The following CDK9 variants were observed in gnomAD, a reference collection of about 807,000 sequenced individuals.
The protein encoded by CDK9 is cyclin-dependent kinase 9.
A neutral mutation model predicts 39.0 loss-of-function variants in CDK9; 34 were observed. That is an observed-to-expected ratio of 0.87 (90% CI 0.66 to 1.16). The LOEUF is 1.16. Among genes scored for constraint, CDK9 ranks in the 50% most tolerant of loss-of-function variants. The pLI, the probability that CDK9 is intolerant of heterozygous loss-of-function variation, is 0.00. For synonymous variants in CDK9, 233 were observed against 196.2 expected (o/e 1.19, Z -1.57); for missense variants, 369 against 503.2 (o/e 0.73, Z 2.55).
chr9:127,788,738 G>C, intron 6 of CDK9, 46 bp downstream of exon 6: 1 of 1,521,878 alleles, frequency 6.6e-7, no homozygotes, highest in Non-Finnish European at 8.8e-7. Context: ...GAGGTCCCCC[G>C]GCAGAGGAGG....
chr9:127,789,094 T>G lies in CDK9; in HGVS notation c.754-84T>G. On this transcript the variant is annotated intron_variant, in intron 6 of 6. Transcript: ENST00000373264. The surrounding 1 kb of genome is among the most constrained non-coding windows in gnomAD (Gnocchi z 5.2). ...GAGCCTCCGAGTGGAGCAGGTATTT[T>G]AGTCCTTTTAGGCCTTTATGAAGGG... The G allele has an allele frequency of 2.0e-6, 3 of 1,478,248 alleles. No homozygotes were observed. The highest frequency in any genetic ancestry group is 2.7e-6 in the Non-Finnish European group (3 of 1,109,786). 91.6% of individuals were successfully genotyped at this position (1,478,248 alleles called of 1,614,324 possible).
Position 127,787,582 on chromosome 9 carries a change from A to G in CDK9, c.239A>G (p.Asn80Ser). The change falls in exon 3 of 7, where the codon AAC becomes AGC. Residue 80 changes from asparagine (N) to serine (S), a missense_variant. Transcript: ENST00000373264. Reference sequence around the variant, plus strand: ...CTTCTAAAACACGAGAATGTGGTCAACTTGATTGAGATTTGTCGAACCAAA... The same window carrying G: ...CTTCTAAAACACGAGAATGTGGTCAGCTTGATTGAGATTTGTCGAACCAAA... ...LQLLKHENVV[N>S]LIEICRTKAS... The G allele has an allele frequency of 1.2e-6, 2 of 1,613,104 alleles. No homozygotes were observed. Among genetic ancestry groups the G allele is most frequent in the Non-Finnish European group, 1.7e-6 (2 of 1,179,054 alleles).
At chr9:127,787,078 TTATA>T (rs1447148783) in intron 2 of CDK9, among the ~76,000 whole-genome samples, 1 of 152,162 alleles carries the variant, frequency 6.6e-6, no homozygotes, top group Admixed American at 6.5e-5. Context: ...AAAAGAAAGA[TTATA>T]TATGCATGCT....
chr9:127,787,963 C>T lies in CDK9; in HGVS notation c.282C>T (p.Arg94=), dbSNP rs1180626583. Residue 94 remains arginine, a synonymous_variant, in exon 4 of 7, where the codon CGC becomes CGT. Coordinates refer to ENST00000373264, the MANE Select transcript of CDK9 (RefSeq NM_001261.4). ...CTGCCTCAGCTTCCCCCTATAACCG[C>T]TGCAAGGGTAGTATATACCTGGTGT... ...ICRTKASPYN[R]CKGSIYLVFD... is the part of the protein sequence containing the mutation. 6.2e-7 allele frequency: 1 copy of T among 1,614,184 alleles called. No homozygotes were observed. Among genetic ancestry groups the T allele is most frequent in the Non-Finnish European group, 8.5e-7 (1 of 1,180,018 alleles).
rs1257998616 is a variant in CDK9, at chr9:127,788,688, C to G, written c.749C>G (p.Pro250Arg). The G allele has an allele frequency of 6.3e-7, 1 of 1,598,836 alleles. No homozygotes were observed. The highest frequency in any genetic ancestry group is 1.7e-5 in the Admixed American group (1 of 57,936). The change falls in exon 6 of 7, where the codon CCT becomes CGT. Residue 250 changes from proline to arginine, a missense_variant. Pro to Arg is a moderately radical substitution (Grantham distance 103). Transcript: ENST00000373264. ...AGTCAGCTCTGCGGCTCCATCACCC[C>G]TGAGGTACGGGGCCCCGGTCCCCAC... Reference protein sequence around the residue: ...LISQLCGSITPEVWPNVDNYE... With the variant: ...LISQLCGSITREVWPNVDNYE...
In CDK9 at chr9:127,786,199, C is replaced by G. The variant is rs1239321119; in HGVS notation, c.51C>G (p.Ser17=). Residue 17 remains serine (S), a synonymous_variant, in exon 1 of 7, where the codon TCC becomes TCG. Coordinates refer to ENST00000373264, the MANE Select transcript of CDK9 (RefSeq NM_001261.4). ...AGTGCCCTTTTTGTGATGAAGTTTC[C>G]AAATACGAGAAGCTCGCCAAGATCG... ...SVECPFCDEV[S]KYEKLAKIGQ... 6 of 1,610,626 alleles carry G rather than the reference C, an allele frequency of 3.7e-6. No homozygotes were observed. The highest frequency in any genetic ancestry group is 5.1e-6 in the Non-Finnish European group (6 of 1,178,852).
At position 127,790,098 on chromosome 9, in the gene CDK9, T is replaced by TC. The variant is rs1183946984; in HGVS notation, c.*557dup. ...TTTTTTTTTTTTAAATTTTTTTTTT[T>TC]CCTCCAGGACTTGTGTGTTTTGTTC... On this transcript the variant is annotated 3_prime_UTR_variant, in exon 7 of 7. Transcript: ENST00000373264. 6.6e-6 allele frequency: 1 copy of TC among 152,662 alleles called. No homozygotes were observed. The highest frequency in any genetic ancestry group is 2.1e-4 in the South Asian group (1 of 4,844). The allele number at this position is 152,662 out of a possible 1,614,324, so 9.5% of individuals were successfully genotyped here. A position where few individuals can be genotyped will look rare whatever the true frequency, so the allele number is the denominator to read the frequency against.
At position 127,787,616 on chromosome 9, in the gene CDK9, A is replaced by G. The variant is rs758268441; in HGVS notation, c.265+8A>G. 47 of 1,592,056 alleles carry G rather than the reference A, an allele frequency of 3.0e-5. No homozygotes were observed. The highest frequency in any genetic ancestry group is 4.0e-5 in the African/African-American group (3 of 74,476). On this transcript the variant is annotated splice_region_variant and intron_variant, in intron 3 of 6. Coordinates refer to ENST00000373264, the MANE Select transcript of CDK9 (RefSeq NM_001261.4). ...AGATTTGTCGAACCAAAGGTAAGTTATTTGGTTCTTACGAGAAGATGACAC... is the reference window on the plus strand; with the variant it reads ...AGATTTGTCGAACCAAAGGTAAGTTGTTTGGTTCTTACGAGAAGATGACAC...
intron 2 of CDK9, 97 bp from the exon 3 acceptor site, chr9:127,787,421 T>C: frequency 1.4e-6 from 1 of 740,686 alleles, no homozygotes; most frequent in Non-Finnish European, 2.4e-6. Flanking sequence ...GAGCCCATGA[T>C]CTTGCTCTGT....
rs200268442 is a variant in CDK9, at chr9:127,788,696, C to T, written c.753+4C>T. The T allele has an allele frequency of 2.5e-4, 400 of 1,588,804 alleles. 1 individual carries two copies. The highest frequency in any genetic ancestry group is 6.6e-5 in the Non-Finnish European group (77 of 1,167,100). On this transcript the variant is annotated splice_donor_region_variant and intron_variant, in intron 6 of 6. Transcript: ENST00000373264. Reference sequence around the variant, plus strand: ...CTGCGGCTCCATCACCCCTGAGGTACGGGGCCCCGGTCCCCACGGGGTGCA... The same window carrying T: ...CTGCGGCTCCATCACCCCTGAGGTATGGGGCCCCGGTCCCCACGGGGTGCA...
Position 127,788,379 on chromosome 9 carries a change from T to C in CDK9, c.598T>C (p.Leu200=), listed in dbSNP as rs1392046757. Residue 200 remains leucine, a synonymous_variant, in exon 5 of 7, where the codon TTG becomes CTG. Transcript: ENST00000373264. ...ACTCTGGTACCGGCCCCCGGAGCTG[T>C]TGCTCGGTGAGGACTCCCGAGCGGG... The part of the protein sequence containing the change: ...VTLWYRPPEL[L]LGERDYGPPI... 1.2e-6 allele frequency: 2 copies of C among 1,611,982 alleles called. No individual in the cohort carries two copies. The highest frequency in any genetic ancestry group is 2.7e-5 in the African/African-American group (2 of 75,060).
rs761535526 is a variant in CDK9 at position 127,786,790 on chromosome 9, C to T, written c.174+8C>T. 2 of 1,612,816 alleles carry T rather than the reference C, an allele frequency of 1.2e-6. No homozygotes were observed. Among genetic ancestry groups the T allele is most frequent in the South Asian group, 2.2e-5 (2 of 90,910 alleles). On this transcript the variant is annotated splice_region_variant and intron_variant, in intron 2 of 6. Transcript: ENST00000373264. ...GAAAACGAGAAGGAGGGGGTGAGTA[C>T]GGATCGGGCGTGCGGGCCGGCCGGC...
chr9:127,786,694 C>T lies in CDK9; in HGVS notation c.93-7C>T, dbSNP rs1295841558. The T allele has an allele frequency of 1.2e-6, 2 of 1,613,166 alleles. No homozygotes were observed. The highest frequency in any genetic ancestry group is 3.3e-5 in the Admixed American group (2 of 59,960). On this transcript the variant is annotated splice_region_variant and splice_polypyrimidine_tract_variant and intron_variant, in intron 1 of 6. Coordinates refer to ENST00000373264, the MANE Select transcript of CDK9 (RefSeq NM_001261.4). Reference sequence around the variant, plus strand: ...ATGAGTTCTCGGGTCTCCCTTTCCGCCTGCAGGGAGGTGTTCAAGGCCAGG... The same window carrying T: ...ATGAGTTCTCGGGTCTCCCTTTCCGTCTGCAGGGAGGTGTTCAAGGCCAGG...
In CDK9 at chr9:127,787,951, C is replaced by T. The variant is rs766939296; in HGVS notation, c.270C>T (p.Ser90=). The change falls in exon 4 of 7, where the codon TCC becomes TCT. Residue 90 remains serine, a synonymous_variant. Coordinates refer to ENST00000373264, the MANE Select transcript of CDK9 (RefSeq NM_001261.4). ...NLIEICRTKA[S]PYNRCKGSIY... ...TTCTTTCTATTCCTGCCTCAGCTTC[C>T]CCCTATAACCGCTGCAAGGGTAGTA... 4.3e-6 allele frequency: 7 copies of T among 1,613,944 alleles called. No homozygotes were observed. The highest frequency in any genetic ancestry group is 2.7e-5 in the African/African-American group (2 of 74,906).
chr9:127,789,207 G>A lies in CDK9; in HGVS notation c.783G>A (p.Leu261=), dbSNP rs1588539198. 1.2e-6 allele frequency: 2 copies of A among 1,602,440 alleles called. No homozygotes were observed. The highest frequency in any genetic ancestry group is 1.7e-6 in the Non-Finnish European group (2 of 1,172,268). Residue 261 remains leucine, a synonymous_variant, in exon 7 of 7, where the codon CTG becomes CTA. Coordinates refer to ENST00000373264, the MANE Select transcript of CDK9 (RefSeq NM_001261.4). The surrounding 1 kb of genome is among the most constrained non-coding windows in gnomAD (Gnocchi z 5.2). ...EVWPNVDNYE[L]YEKLELVKGQ... ...GGCCAAACGTGGACAACTATGAGCT[G>A]TACGAAAAGCTGGAGCTGGTCAAGG...
chr9:127,789,873 C>T lies in CDK9; in HGVS notation c.*330C>T, dbSNP rs547262511. 4.9e-4 allele frequency: 159 copies of T among 323,024 alleles called. No individual in the cohort carries two copies. The highest frequency in any genetic ancestry group is 8.1e-4 in the Non-Finnish European group (139 of 172,264). 20.0% of individuals were successfully genotyped at this position (323,024 alleles called of 1,614,324 possible). A position where few individuals can be genotyped will look rare whatever the true frequency, so the allele number is the denominator to read the frequency against. On this transcript the variant is annotated 3_prime_UTR_variant, in exon 7 of 7. Coordinates refer to ENST00000373264, the MANE Select transcript of CDK9 (RefSeq NM_001261.4). This position sits in a 1 kb window ranked among gnomAD's most constrained non-coding sequence, Gnocchi z 5.2. ...ACAGGTCCCTCACCCACCCACAATC[C>T]TATTCTCGGGCTGAGAACCCTGCGT...
chr9:127,786,730 C>G lies in CDK9; in HGVS notation c.122C>G (p.Thr41Ser), dbSNP rs905857521. The G allele has an allele frequency of 1.2e-6, 2 of 1,614,054 alleles. No homozygotes were observed. Among genetic ancestry groups the G allele is most frequent in the African/African-American group, 1.3e-5 (1 of 75,034 alleles). Residue 41 changes from threonine to serine, a missense_variant, in exon 2 of 7, where the codon ACC (threonine) becomes AGC (serine). Transcript: ENST00000373264. ...GTGTTCAAGGCCAGGCACCGCAAGACCGGCCAGAAGGTGGCTCTGAAGAAG... is the reference window on the plus strand; with the variant it reads ...GTGTTCAAGGCCAGGCACCGCAAGAGCGGCCAGAAGGTGGCTCTGAAGAAG... Reference protein sequence around the residue: ...GEVFKARHRKTGQKVALKKVL... With the variant: ...GEVFKARHRKSGQKVALKKVL...
rs556088007 is a variant in CDK9 at position 127,786,101 on chromosome 9, G to C, written c.-48G>C. On this transcript the variant is annotated 5_prime_UTR_variant, in exon 1 of 7. Coordinates refer to ENST00000373264, the MANE Select transcript of CDK9 (RefSeq NM_001261.4). ...GGCGGCGGCGGGACCCGGAGCAGGA[G>C]CGGCGGCAGCAGCGACTGGGGGCGG... 18 of 1,453,578 alleles carry C rather than the reference G, an allele frequency of 1.2e-5. No individual in the cohort carries two copies. In the African/African-American group the frequency reaches 2.6e-4, roughly 21 times the overall value. The allele number at this position is 1,453,578 out of a possible 1,614,324, so 90.0% of individuals were successfully genotyped here. A position where few individuals can be genotyped will look rare whatever the true frequency, so the allele number is the denominator to read the frequency against.
In CDK9 at chr9:127,786,096, C is replaced by T. The variant is rs1425136529; in HGVS notation, c.-53C>T. 4 of 1,407,120 alleles carry T rather than the reference C, an allele frequency of 2.8e-6. No individual in the cohort carries two copies. The highest frequency in any genetic ancestry group is 3.0e-5 in the African/African-American group (2 of 66,974). 87.2% of individuals were successfully genotyped at this position (1,407,120 alleles called of 1,614,324 possible). On this transcript the variant is annotated 5_prime_UTR_variant, in exon 1 of 7. Coordinates refer to ENST00000373264, the MANE Select transcript of CDK9 (RefSeq NM_001261.4). ...AGTGCGGCGGCGGCGGGACCCGGAG[C>T]AGGAGCGGCGGCAGCAGCGACTGGG...
Sources: gnomAD v4.1 joint callset for allele counts (sites outside exome capture counted in the v4.1 genomes callset) on GRCh38, gnomAD v4.1.1 for gene constraint, Gnocchi (gnomAD v3.1) non-coding constraint, MANE v1.5 for transcripts, NCBI Gene and HGNC (gene_info 2026-07-23, HGNC 2026-07-21) for gene names.